FCHO2: variants seen among roughly 807,000 people sequenced by gnomAD.
FCHO2 encodes the protein F-BAR domain only protein 2.
Under a neutral mutation model 114.1 loss-of-function variants are expected in FCHO2, and 43 were observed. That is an observed-to-expected ratio of 0.38 (90% confidence interval 0.30 to 0.49). FCHO2 has a LOEUF of 0.49. Among genes scored for constraint, FCHO2 ranks in the 20% least tolerant of loss-of-function variants. The pLI, the probability that FCHO2 is intolerant of heterozygous loss-of-function variation, is 0.97. For synonymous variants in FCHO2, 293 were observed against 315.2 expected (o/e 0.93, Z 0.75); for missense variants, 807 against 950.4 (o/e 0.85, Z 1.98).
intron 19 of FCHO2, among the ~76,000 whole-genome samples, chr5:73,071,448 A>G (rs1465084009): frequency 6.6e-6 from 1 of 152,016 alleles, no homozygotes; most frequent in African/African-American, 2.4e-5. Flanking sequence ...TTTATTTCTG[A>G]GCGGAAAGGA....
intron 24 of FCHO2, among the ~76,000 whole-genome samples, chr5:73,083,030 C>T (rs1411616148): frequency 6.6e-6 from 1 of 151,998 alleles, no homozygotes; most frequent in Non-Finnish European, 1.5e-5. Flanking sequence ...CGTGCCACCA[C>T]ACCCAACTAA....
chr5:73,055,881 T>A (rs166304), intron 15 of FCHO2, among the ~76,000 whole-genome samples, 184 bp from the exon 16 acceptor site: 80,063 of 151,958 alleles, frequency 0.53, 22,222 homozygotes, highest in African/African-American at 0.72. Flanking sequence ...ACCAGGGTTT[T>A]GTAATTTCAG....
At chr5:72,990,900 A>G (rs1753776104) in intron 5 of FCHO2, 36 bp downstream of exon 5, 17 of 1,519,950 alleles carry the variant, frequency 1.1e-5, no homozygotes, top group East Asian at 2.5e-5. Context: ...TGTGGTTTCA[A>G]AGCACCTTGA....
intron 18 of FCHO2, among the ~76,000 whole-genome samples, chr5:73,066,036 TC>T (rs1236457167): frequency 1.3e-5 from 2 of 152,070 alleles, no homozygotes; most frequent in Non-Finnish European, 2.9e-5. Flanking sequence ...GATAATGGCC[TC>T]CAGTTCTATC....
rs116481549 is a variant in FCHO2 at position 73,083,619 on chromosome 5, C to T, written c.2245+794C>T. 5.4e-3 allele frequency among the ~76,000 whole-genome samples: 826 copies of T among 152,268 alleles called. 5 individuals carry two copies. Among genetic ancestry groups the T allele is most frequent in the African/African-American group, 0.019 (777 of 41,570 alleles). On this transcript the variant is annotated intron_variant, in intron 24 of 25. Transcript: ENST00000430046. ...TAAAAAGCCCCTTGCCGTCCCGGCA[C>T]AGTGGCTCACGCTTGTAATCCCAGC...
At chr5:73,018,441 A>T (rs1486584852) in intron 8 of FCHO2, among the ~76,000 whole-genome samples, 1 of 152,076 alleles carries the variant, frequency 6.6e-6, no homozygotes, top group Non-Finnish European at 1.5e-5. Context: ...TTTCACGTTG[A>T]CAGAATGAAA....
At chr5:73,009,498 C>T (rs1250950128) in intron 6 of FCHO2, among the ~76,000 whole-genome samples, 2 of 152,108 alleles carry the variant, frequency 1.3e-5, no homozygotes, top group Non-Finnish European at 2.9e-5. Flanking sequence ...TCCAAAATGG[C>T]ATTTTAATTG....
chr5:72,968,461 G>GT lies in FCHO2; in HGVS notation c.34-30dup, dbSNP rs760846562. 6 of 1,387,968 alleles carry GT rather than the reference G, an allele frequency of 4.3e-6. No individual in the cohort carries two copies. The South Asian group carries it at 4.4e-5, about 10-fold the overall frequency. 86.0% of individuals were successfully genotyped at this position (1,387,968 alleles called of 1,614,324 possible). A position where few individuals can be genotyped will look rare whatever the true frequency, so the allele number is the denominator to read the frequency against. On this transcript the variant is annotated intron_variant, in intron 1 of 25. Coordinates refer to ENST00000430046, the MANE Select transcript of FCHO2 (RefSeq NM_138782.3). ...TTATATTCTCAAGTCATTTTTATCT[G>GT]TTTTTTTATGAAACTAAAAATCTTT... is the stretch of plus-strand genomic sequence containing the variant.
intron 8 of FCHO2, among the ~76,000 whole-genome samples, chr5:73,022,269 C>T (rs1755668289): frequency 6.6e-6 from 1 of 152,124 alleles, no homozygotes; most frequent in African/African-American, 2.4e-5. Flanking sequence ...AGAAAGAATA[C>T]AGAGAATGAG....
At chr5:73,022,414 T>C (rs1192924338) in intron 8 of FCHO2, among the ~76,000 whole-genome samples, 1 of 152,168 alleles carries the variant, frequency 6.6e-6, no homozygotes, top group Non-Finnish European at 1.5e-5. Flanking sequence ...CCTGATGCAA[T>C]TTTTCCCACT....
At chr5:72,968,315 G>C (rs1402965221) in intron 1 of FCHO2, among the ~76,000 whole-genome samples, 183 bp from the exon 2 acceptor site, 2 of 152,090 alleles carry the variant, frequency 1.3e-5, no homozygotes, top group African/African-American at 4.8e-5. Flanking sequence ...ATAGTTAATT[G>C]TAAACTTTAT....
At chr5:73,036,142 G>A (rs1221665481) in intron 9 of FCHO2, among the ~76,000 whole-genome samples, 1 of 152,048 alleles carries the variant, frequency 6.6e-6, no homozygotes, top group Non-Finnish European at 1.5e-5. Flanking sequence ...CACCACACCA[G>A]GCCTTAAGTG....
At chr5:72,997,168 G>T in intron 5 of FCHO2, 1 of 1,111,072 alleles carries the variant, frequency 9.0e-7, no homozygotes, top group Non-Finnish European at 1.4e-6. Flanking sequence ...TCACAGTCTG[G>T]CCTGGAACGC....
intron 8 of FCHO2, among the ~76,000 whole-genome samples, chr5:73,032,485 C>T (rs1262397905): frequency 6.6e-6 from 1 of 151,856 alleles, no homozygotes; most frequent in African/African-American, 2.4e-5. Context: ...TTTGTGAGAA[C>T]AAAAAGGAGA....
intron 2 of FCHO2, among the ~76,000 whole-genome samples, chr5:72,977,547 AT>A (rs1485646285): frequency 6.6e-6 from 1 of 151,770 alleles, no homozygotes; most frequent in Non-Finnish European, 1.5e-5. Context: ...GGTTGTAAAA[AT>A]TTTCTCCCAT....
At chr5:72,969,592 A>G (rs1216835098) in intron 2 of FCHO2, among the ~76,000 whole-genome samples, 4 of 152,124 alleles carry the variant, frequency 2.6e-5, no homozygotes, top group Admixed American at 2.0e-4. Context: ...ACACTTCACT[A>G]CTATCACTGT....
chr5:73,084,529 G>A (rs1369594321), intron 24 of FCHO2, among the ~76,000 whole-genome samples: 1 of 152,198 alleles, frequency 6.6e-6, no homozygotes, highest in Non-Finnish European at 1.5e-5. Flanking sequence ...GCCTCCCAAA[G>A]TGCTGGGATT....
intron 10 of FCHO2, among the ~76,000 whole-genome samples, chr5:73,039,434 A>T (rs1220267236): frequency 3.9e-5 from 6 of 152,160 alleles, no homozygotes; most frequent in Admixed American, 6.5e-5. Context: ...CATCTTTTTT[A>T]AAAAAAGAAG....
rs749986355 is a variant in FCHO2 at position 73,058,426 on chromosome 5, A to G, written c.1254-7A>G. The G allele has an allele frequency of 3.9e-6, 6 of 1,531,164 alleles. No homozygotes were observed. The East Asian group carries it at 9.5e-5, about 24-fold the overall frequency. 94.8% of individuals were successfully genotyped at this position (1,531,164 alleles called of 1,614,324 possible). On this transcript the variant is annotated splice_region_variant and splice_polypyrimidine_tract_variant and intron_variant, in intron 16 of 25. Transcript: ENST00000430046. ...TAAAATTTTTGCTTTTAAAAATATT[A>G]TGGTAGAAAAGGAACCAGTGATTTA... is the stretch of plus-strand genomic sequence containing the variant.
Sources: allele counts gnomAD v4.1 joint callset (sites outside exome capture counted in the v4.1 genomes callset), GRCh38; gene constraint gnomAD v4.1.1; transcripts MANE v1.5; gene names NCBI Gene and HGNC (gene_info 2026-07-23, HGNC 2026-07-21).